TMEM65: variants seen among roughly 807,000 people sequenced by gnomAD.
TMEM65 encodes the protein transmembrane protein 65.
Under a neutral mutation model 25.4 loss-of-function variants are expected in TMEM65, and 22 were observed. That is an observed-to-expected ratio of 0.86 (90% CI 0.62 to 1.23). TMEM65 has a LOEUF of 1.23. Among genes scored for constraint, TMEM65 ranks in the 50% most tolerant of loss-of-function variants. The pLI, the probability that TMEM65 is intolerant of heterozygous loss-of-function variation, is 0.00. For synonymous variants in TMEM65, 132 were observed against 126.2 expected, an observed-to-expected ratio of 1.05 and a Z score of -0.31; for missense variants, 262 against 308.2, an observed-to-expected ratio of 0.85 and a Z score of 1.12.
At chr8:124,350,154 A>G (rs951374704) in intron 1 of TMEM65, among the ~76,000 whole-genome samples, 35 of 143,452 alleles carry the variant, frequency 2.4e-4, no homozygotes, top group African/African-American at 8.7e-4. Context: ...GTGTGTGTGC[A>G]TGTGTGTAAA....
intron 6 of TMEM65, among the ~76,000 whole-genome samples, chr8:124,316,329 C>A (rs1427099423): frequency 6.6e-6 from 1 of 152,152 alleles, no homozygotes; most frequent in Non-Finnish European, 1.5e-5. Flanking sequence ...GAATTTCAAA[C>A]AACCAAATTA....
At chr8:124,323,831 A>G (rs1814334765) in intron 3 of TMEM65, among the ~76,000 whole-genome samples, 1 of 152,114 alleles carries the variant, frequency 6.6e-6, no homozygotes, top group Non-Finnish European at 1.5e-5. Context: ...AATTATCCTT[A>G]TAACACTTAG....
chr8:124,351,595 C>CT (rs1814709018), intron 1 of TMEM65, among the ~76,000 whole-genome samples: 1 of 152,166 alleles, frequency 6.6e-6, no homozygotes, highest in African/African-American at 2.4e-5. Flanking sequence ...TTGTCACACA[C>CT]TTTTCTAAAT....
chr8:124,339,594 CCAAG>C (rs1261385936), intron 1 of TMEM65, among the ~76,000 whole-genome samples: 1 of 151,956 alleles, frequency 6.6e-6, no homozygotes, highest in Admixed American at 6.6e-5. Context: ...CACCAAGTGT[CCAAG>C]CAAAGGGCCA....
intron 1 of TMEM65, chr8:124,351,202 A>G (rs1365533331): frequency 1.3e-6 from 1 of 786,640 alleles, no homozygotes; most frequent in Non-Finnish European, 1.5e-6. Flanking sequence ...TATAAAACTT[A>G]GAAGTGCCAC....
intron 3 of TMEM65, among the ~76,000 whole-genome samples, chr8:124,325,140 C>G (rs975931609): frequency 2.6e-5 from 4 of 151,716 alleles, no homozygotes; most frequent in Non-Finnish European, 5.9e-5. Context: ...TTTACGACTA[C>G]AACTAGGGTG....
At chr8:124,350,425 C>T (rs896470796) in intron 1 of TMEM65, among the ~76,000 whole-genome samples, 2 of 151,234 alleles carry the variant, frequency 1.3e-5, no homozygotes, top group African/African-American at 4.9e-5. Flanking sequence ...TCTCACCACT[C>T]CCTCTTTCAT....
At chr8:124,367,924 T>C (rs1362576706) in intron 1 of TMEM65, among the ~76,000 whole-genome samples, 3 of 152,250 alleles carry the variant, frequency 2.0e-5, no homozygotes, top group East Asian at 1.9e-4. Context: ...ATACATCTTT[T>C]ATTTGCTATA....
chr8:124,333,177 A>C (rs1374155386), intron 1 of TMEM65, among the ~76,000 whole-genome samples: 1 of 151,972 alleles, frequency 6.6e-6, no homozygotes, highest in African/African-American at 2.4e-5. Flanking sequence ...AGAAGTAAAA[A>C]AAAAAAAAAT....
intron 1 of TMEM65, among the ~76,000 whole-genome samples, chr8:124,342,466 C>G (rs969559075): frequency 4.1e-4 from 62 of 152,214 alleles, no homozygotes; most frequent in African/African-American, 1.5e-3. Context: ...TCAGCCAGTA[C>G]TGAAATTGTT....
chr8:124,336,381 C>T (rs998503646), intron 1 of TMEM65, among the ~76,000 whole-genome samples: 2 of 151,884 alleles, frequency 1.3e-5, no homozygotes, highest in African/African-American at 2.4e-5. Flanking sequence ...TTATACAAAA[C>T]GACACTCAAC....
chr8:124,372,102 C>A lies in TMEM65; in HGVS notation c.56G>T (p.Gly19Val). The A allele has an allele frequency of 1.9e-6, 2 of 1,069,272 alleles. No homozygotes were observed. Among genetic ancestry groups the A allele is most frequent in the Non-Finnish European group, 2.3e-6 (2 of 886,194 alleles). 66.2% of individuals were successfully genotyped at this position (1,069,272 alleles called of 1,614,324 possible). ...GCGGGGCGCGGCGGCGGCGGCCGGG[C>A]CCGGCCTCAGGCTGCGCGCGGTCCG... The part of the protein sequence containing the change: ...RSRTARSLRP[G>V]PAAAAAPRPP... Residue 19 changes from glycine (G) to valine (V), a missense_variant, in exon 1 of 7, where the codon GGC becomes GTC. Coordinates refer to ENST00000297632, the MANE Select transcript of TMEM65 (RefSeq NM_194291.3).
At chr8:124,314,635 TTTTA>T in intron 6 of TMEM65, among the ~76,000 whole-genome samples, 1 of 152,174 alleles carries the variant, frequency 6.6e-6, no homozygotes, top group East Asian at 1.9e-4. Flanking sequence ...TTTTTATTTA[TTTTA>T]TTTGTTTTAG....
At chr8:124,366,626 T>A (rs1434197711) in intron 1 of TMEM65, among the ~76,000 whole-genome samples, 1 of 152,172 alleles carries the variant, frequency 6.6e-6, no homozygotes, top group Non-Finnish European at 1.5e-5. Flanking sequence ...ATAGAAGGGT[T>A]GTTATTTGAA....
intron 3 of TMEM65, among the ~76,000 whole-genome samples, chr8:124,325,407 C>A (rs1814356161): frequency 6.6e-6 from 1 of 151,946 alleles, no homozygotes; most frequent in South Asian, 2.1e-4. Context: ...CGAAGCCTCA[C>A]TGGAAAATTT....
chr8:124,335,336 C>T (rs560814244), intron 1 of TMEM65, among the ~76,000 whole-genome samples: 53 of 152,088 alleles, frequency 3.5e-4, no homozygotes, highest in African/African-American at 1.3e-3. Flanking sequence ...AGTCAACCTG[C>T]GATACAGAAA....
intron 1 of TMEM65, 54 bp downstream of exon 1, chr8:124,371,800 G>A: frequency 6.8e-7 from 1 of 1,467,674 alleles, no homozygotes; most frequent in Non-Finnish European, 9.0e-7. Context: ...GTGGGCTGGC[G>A]AGAAGAGGAG....
At chr8:124,347,969 C>T (rs1814659199) in intron 1 of TMEM65, among the ~76,000 whole-genome samples, 1 of 151,262 alleles carries the variant, frequency 6.6e-6, no homozygotes, top group Non-Finnish European at 1.5e-5. Flanking sequence ...CGGCTCACCG[C>T]AACCTCTGCC....
intron 3 of TMEM65, among the ~76,000 whole-genome samples, chr8:124,325,891 A>G (rs937570986): frequency 6.6e-6 from 1 of 152,056 alleles, no homozygotes; most frequent in Non-Finnish European, 1.5e-5. Context: ...TACAATGTAA[A>G]TTACTTTTAA....
Sources: gnomAD v4.1 joint callset for allele counts (sites outside exome capture counted in the v4.1 genomes callset) on GRCh38, gnomAD v4.1.1 for gene constraint, MANE v1.5 for transcripts, NCBI Gene and HGNC (gene_info 2026-07-23, HGNC 2026-07-21) for gene names.